The following MIER1 variants were observed in gnomAD, a reference collection of about 807,000 sequenced individuals.
The protein encoded by MIER1 is MIER1 transcriptional regulator.
A neutral mutation model predicts 75.7 loss-of-function variants in MIER1; 40 were observed. The observed-to-expected ratio is 0.53, with a 90% confidence interval of 0.41 to 0.69. The LOEUF is 0.69. Among genes scored for constraint, MIER1 ranks in the 30% least tolerant of loss-of-function variants. The pLI is 0.00. For synonymous variants in MIER1, 213 were observed against 223.4 expected (o/e 0.95, Z 0.42); for missense variants, 574 against 680.2 (o/e 0.84, Z 1.74).
chr1:66,972,644 G>C (rs540252793), intron 10 of MIER1, among the ~76,000 whole-genome samples: 1 of 152,168 alleles, frequency 6.6e-6, no homozygotes, highest in Admixed American at 6.5e-5. Context: ...AAAGGTGGCT[G>C]AGATAGTTTG....
chr1:66,950,831 A>G (rs1315721368), intron 4 of MIER1, among the ~76,000 whole-genome samples: 1 of 59,552 alleles, frequency 1.7e-5, no homozygotes, highest in East Asian at 8.0e-4. Context: ...TGGTTACCTT[A>G]GGAACCATCT....
intron 3 of MIER1, 37 bp downstream of exon 3, chr1:66,940,089 A>G (rs1177457370): frequency 6.6e-7 from 1 of 1,515,170 alleles, no homozygotes; most frequent in Non-Finnish European, 9.2e-7. Context: ...TCTCGATTTG[A>G]GTAACATTTG....
chr1:66,958,861 TA>T lies in MIER1; in HGVS notation c.515del (p.Lys172ArgfsTer29). On this transcript the variant is annotated frameshift_variant, in exon 6 of 14. Transcript: ENST00000401041. LOFTEE classifies it high-confidence loss of function. ...TTTATTATTCCACAGGAGGAGAATA[TA>T]AAGGATTCATCAGGTCAGGAGGATG... is the stretch of plus-strand genomic sequence containing the variant. ...GCSGENKEEN[I>X]KDSSGQEDET... 1 of 1,608,026 alleles carries T rather than the reference TA, an allele frequency of 6.2e-7. No individual in the cohort carries two copies. The highest frequency in any genetic ancestry group is 8.5e-7 in the Non-Finnish European group (1 of 1,175,930).
chr1:66,949,103 GAGA>G (rs1341317467), intron 4 of MIER1, among the ~76,000 whole-genome samples: 1 of 152,126 alleles, frequency 6.6e-6, no homozygotes, highest in African/African-American at 2.4e-5. Flanking sequence ...CCTATATTCA[GAGA>G]AGATCTATCA....
chr1:66,957,418 C>T (rs553353425), intron 4 of MIER1, among the ~76,000 whole-genome samples: 3 of 152,134 alleles, frequency 2.0e-5, no homozygotes, highest in African/African-American at 7.2e-5. Context: ...CTTAACCTGT[C>T]AGCCTCTGTT....
chr1:66,970,670 G>A (rs186973929), intron 8 of MIER1, 138 bp from the exon 9 acceptor site: 6 of 538,308 alleles, frequency 1.1e-5, no homozygotes, highest in Middle Eastern at 1.0e-3. Context: ...GCCCAAGAAC[G>A]AAGTCAGGCA....
At chr1:66,946,927 G>A (rs1657783993) in intron 4 of MIER1, 110 of 985,200 alleles carry the variant, frequency 1.1e-4, no homozygotes, top group Non-Finnish European at 1.3e-4. Context: ...ATCTTTTGCA[G>A]ACTCTTCTTC....
intron 4 of MIER1, 74 bp downstream of exon 4, chr1:66,946,369 TTCTC>T: frequency 1.4e-6 from 2 of 1,478,052 alleles, no homozygotes; most frequent in Middle Eastern, 2.3e-4. Context: ...GAAATTTTGA[TTCTC>T]TGATTAGGAG....
rs1651730022 is a variant in MIER1, at chr1:66,926,200, C to T, written c.126C>T (p.Thr42=). ...CTGAGTTTCGGACGTGGTTAAGAACCAACTGGTTGAGGTTCAATGCAGACA... is the reference window on the plus strand; with the variant it reads ...CTGAGTTTCGGACGTGGTTAAGAACTAACTGGTTGAGGTTCAATGCAGACA... The part of the protein sequence containing the change: ...CLAEFRTWLR[T]NWLRFNADKT... The change falls in exon 2 of 14, where the codon ACC becomes ACT. Residue 42 remains threonine, a synonymous_variant. Transcript: ENST00000401041. 1 of 1,613,822 alleles carries T rather than the reference C, an allele frequency of 6.2e-7. No individual in the cohort carries two copies. The highest frequency in any genetic ancestry group is 8.5e-7 in the Non-Finnish European group (1 of 1,179,828).
chr1:66,985,651 A>C lies in MIER1; in HGVS notation c.*751A>C. The C allele has an allele frequency of 2.0e-6, 2 of 984,868 alleles. No individual in the cohort carries two copies. Among genetic ancestry groups the C allele is most frequent in the Non-Finnish European group, 2.4e-6 (2 of 829,454 alleles). 61.0% of individuals were successfully genotyped at this position (984,868 alleles called of 1,614,324 possible). A position where few individuals can be genotyped will look rare whatever the true frequency, so the allele number is the denominator to read the frequency against. On this transcript the variant is annotated 3_prime_UTR_variant, in exon 14 of 14. Transcript: ENST00000401041. The stretch of plus-strand genomic sequence containing the variant: ...TACAAAAGCGTGTATAATTTTCTTA[A>C]CTTGTACAGTTGGTAAACTTTTATG...
chr1:66,946,022 A>G, intron 3 of MIER1, 128 bp from the exon 4 acceptor site: 1 of 723,774 alleles, frequency 1.4e-6, no homozygotes, highest in Non-Finnish European at 2.2e-6. Context: ...AATACATAAT[A>G]GTTGCTGTGC....
intron 13 of MIER1, 109 bp downstream of exon 13, chr1:66,982,027 A>G (rs1288281149): frequency 2.7e-6 from 3 of 1,096,870 alleles, no homozygotes; most frequent in African/African-American, 3.1e-5. Flanking sequence ...GCAGAAAGTA[A>G]AAAATGATAA....
At chr1:66,979,369 A>C (rs1030099125) in intron 12 of MIER1, among the ~76,000 whole-genome samples, 1 of 152,208 alleles carries the variant, frequency 6.6e-6, no homozygotes, top group African/African-American at 2.4e-5. Flanking sequence ...TCCATAATTC[A>C]GAGCACATTA....
intron 8 of MIER1, among the ~76,000 whole-genome samples, chr1:66,969,047 T>C (rs1049835014): frequency 6.6e-6 from 1 of 152,194 alleles, no homozygotes; most frequent in Non-Finnish European, 1.5e-5. Context: ...ATTCATTTTA[T>C]CATGGTAGTT....
intron 11 of MIER1, among the ~76,000 whole-genome samples, chr1:66,974,471 G>C (rs1362673297): frequency 6.6e-6 from 1 of 151,254 alleles, no homozygotes; most frequent in Non-Finnish European, 1.5e-5. Flanking sequence ...ACTTCTGCTT[G>C]AATTAAAACA....
chr1:66,959,642 C>G (rs1253585237), intron 6 of MIER1, 37 bp from the exon 7 acceptor site: 6 of 970,710 alleles, frequency 6.2e-6, no homozygotes, highest in Middle Eastern at 2.2e-4. Flanking sequence ...ACAGGATAAG[C>G]AGTCATTTTA....
Position 66,988,088 on chromosome 1 carries a change from G to C in MIER1, c.*3188G>C, listed in dbSNP as rs1323089915. ...GGGCACTTGGAATAACTGAGGGCTG[G>C]TGAATATAATAGGCAATATTTACAT... is the stretch of plus-strand genomic sequence containing the variant. On this transcript the variant is annotated 3_prime_UTR_variant, in exon 14 of 14. Transcript: ENST00000401041. The C allele has an allele frequency of 1.4e-5, 2 of 143,692 alleles. No homozygotes were observed. The highest frequency in any genetic ancestry group is 5.1e-5 in the African/African-American group (2 of 39,600). The allele number at this position is 143,692 out of a possible 1,614,324, so 8.9% of individuals were successfully genotyped here.
chr1:66,978,517 T>C (rs1460658045), intron 12 of MIER1, among the ~76,000 whole-genome samples: 1 of 152,114 alleles, frequency 6.6e-6, no homozygotes. Flanking sequence ...TTATAGTTAA[T>C]TTTTTTTCCA....
In MIER1 at chr1:66,987,037, A is replaced by T. The variant is rs550572476; in HGVS notation, c.*2137A>T. 6.6e-6 allele frequency: 1 copy of T among 152,180 alleles called. No homozygotes were observed. Among genetic ancestry groups the T allele is most frequent in the Non-Finnish European group, 1.5e-5 (1 of 68,006 alleles). The allele number at this position is 152,180 out of a possible 1,614,324, so 9.4% of individuals were successfully genotyped here. On this transcript the variant is annotated 3_prime_UTR_variant, in exon 14 of 14. Coordinates refer to ENST00000401041, the MANE Select transcript of MIER1 (RefSeq NM_001077700.3). ...AACTCTTACTACAGAAATGTTTTAA[A>T]TACATTCTCAGGCATGTTTGCAAAA...
Sources: allele counts gnomAD v4.1 joint callset (sites outside exome capture counted in the v4.1 genomes callset), GRCh38; gene constraint gnomAD v4.1.1; transcripts MANE v1.5; gene names NCBI Gene and HGNC (gene_info 2026-07-23, HGNC 2026-07-21).